PPP1R12B: variants seen among roughly 807,000 people sequenced by gnomAD.
The protein encoded by PPP1R12B is protein phosphatase 1 regulatory subunit 12B, also known as myosin phosphatase target subunit 2.
Under a neutral mutation model 126.1 loss-of-function variants are expected in PPP1R12B, and 76 were observed. The ratio of observed to expected loss-of-function variants is 0.60; its 90% CI spans 0.50 to 0.73. PPP1R12B has a LOEUF of 0.73. Ranked by LOEUF, PPP1R12B falls within the 30% of genes least tolerant of loss-of-function variation. The pLI, the probability that PPP1R12B is intolerant of heterozygous loss-of-function variation, is 0.00. For synonymous variants in PPP1R12B, 356 were observed against 434.7 expected (o/e 0.82, Z 2.25); for missense variants, 1,052 against 1,205.1 (o/e 0.87, Z 1.88).
chr1:202,465,177 A>G (rs1483458453), intron 13 of PPP1R12B, among the ~76,000 whole-genome samples: 1 of 152,212 alleles, frequency 6.6e-6, no homozygotes, highest in African/African-American at 2.4e-5. Context: ...AGGTTAAGGA[A>G]TCTGTCCACA....
chr1:202,515,322 G>A (rs1682003976), intron 18 of PPP1R12B, among the ~76,000 whole-genome samples: 1 of 152,096 alleles, frequency 6.6e-6, no homozygotes, highest in South Asian at 2.1e-4. Context: ...TTAAAAAAGA[G>A]TAGTATTCAA....
chr1:202,545,072 A>T (rs1357652757), intron 18 of PPP1R12B, among the ~76,000 whole-genome samples: 7 of 152,238 alleles, frequency 4.6e-5, no homozygotes, highest in Non-Finnish European at 1.0e-4. Flanking sequence ...ATGCACTACC[A>T]ATCTGGAATC....
intron 1 of PPP1R12B, among the ~76,000 whole-genome samples, chr1:202,408,684 A>G (rs1362612820): frequency 1.3e-5 from 2 of 152,064 alleles, no homozygotes; most frequent in Non-Finnish European, 2.9e-5. Context: ...TCTGGTATAT[A>G]TACATTGCAT....
At chr1:202,409,852 T>C (rs1667162025) in intron 1 of PPP1R12B, among the ~76,000 whole-genome samples, 1 of 152,110 alleles carries the variant, frequency 6.6e-6, no homozygotes, top group African/African-American at 2.4e-5. Context: ...AGGTATGAGG[T>C]GCTATCTCAT....
chr1:202,437,706 C>G, intron 9 of PPP1R12B, 115 bp from the exon 10 acceptor site: 1 of 918,064 alleles, frequency 1.1e-6, no homozygotes, highest in Non-Finnish European at 1.6e-6. Flanking sequence ...ATTTGTTCTT[C>G]TTAGCTACCT....
intron 8 of PPP1R12B, among the ~76,000 whole-genome samples, chr1:202,434,115 T>C (rs968282440): frequency 6.6e-6 from 1 of 152,230 alleles, no homozygotes; most frequent in Non-Finnish European, 1.5e-5. Flanking sequence ...CTTTTTACTT[T>C]GCACCACACT....
chr1:202,436,663 CA>C (rs148526561), intron 9 of PPP1R12B, among the ~76,000 whole-genome samples: 2,056 of 152,174 alleles, frequency 0.014, 23 homozygotes, highest in South Asian at 0.039. Flanking sequence ...TAGTTTATGG[CA>C]AAATGAGATA....
intron 11 of PPP1R12B, among the ~76,000 whole-genome samples, chr1:202,441,879 CAA>C (rs535323452): frequency 6.0e-4 from 91 of 151,488 alleles, no homozygotes; most frequent in African/African-American, 2.0e-3. Context: ...TTTTTTGAGA[CAA>C]AGTCTCACTC....
Position 202,569,271 on chromosome 1 carries a change from G to A in PPP1R12B, c.2862+74G>A, listed in dbSNP as rs1688359251. On this transcript the variant is annotated intron_variant, in intron 23 of 23. Transcript: ENST00000608999. Reference sequence around the variant, plus strand: ...GCCAAGACTGGATATTTGAGCATAGGCCTGCCCCCTCCAGATTTCACTACA... The same window carrying A: ...GCCAAGACTGGATATTTGAGCATAGACCTGCCCCCTCCAGATTTCACTACA... 9.0e-6 allele frequency: 13 copies of A among 1,437,138 alleles called. No homozygotes were observed. The South Asian group carries it at 1.5e-4, about 17-fold the overall frequency. 89.0% of individuals were successfully genotyped at this position (1,437,138 alleles called of 1,614,324 possible).
chr1:202,492,612 T>C lies in PPP1R12B; in HGVS notation c.1942-502T>C, dbSNP rs77842128. Among the ~76,000 whole-genome samples the C allele has an allele frequency of 4.9e-3, 754 of 152,362 alleles. 8 individuals are homozygous for C. Among genetic ancestry groups the C allele is most frequent in the African/African-American group, 0.017 (726 of 41,576 alleles). The stretch of plus-strand genomic sequence containing the variant: ...TCCTAGAGTTACTTGGGAATTGATA[T>C]TAGAGAAAAGCTAGTCTAGGAGTTT... On this transcript the variant is annotated intron_variant, in intron 14 of 23. Transcript: ENST00000608999.
chr1:202,555,771 T>G (rs1453547280), intron 18 of PPP1R12B, among the ~76,000 whole-genome samples: 2 of 152,218 alleles, frequency 1.3e-5, no homozygotes, highest in African/African-American at 4.8e-5. Context: ...CTAAATGGTC[T>G]TCTAAATTAT....
intron 18 of PPP1R12B, among the ~76,000 whole-genome samples, chr1:202,555,086 T>A (rs1259626134): frequency 1.3e-5 from 2 of 152,066 alleles, no homozygotes; most frequent in Non-Finnish European, 2.9e-5. Context: ...TGTTTTTCAA[T>A]TTTTAAGTGT....
chr1:202,351,620 A>T (rs533457581), intron 1 of PPP1R12B, among the ~76,000 whole-genome samples: 1 of 152,246 alleles, frequency 6.6e-6, no homozygotes, highest in Non-Finnish European at 1.5e-5. Context: ...CACCTACTTT[A>T]CAATGGATTC....
At chr1:202,488,747 A>C in intron 14 of PPP1R12B, 124 bp downstream of exon 14, 2 of 866,488 alleles carry the variant, frequency 2.3e-6, no homozygotes, top group Non-Finnish European at 3.5e-6. Flanking sequence ...ACACACGCTC[A>C]CGGCTTGGCG....
At chr1:202,447,885 A>G (rs571754181) in intron 12 of PPP1R12B, among the ~76,000 whole-genome samples, 2 of 152,166 alleles carry the variant, frequency 1.3e-5, no homozygotes, top group African/African-American at 4.8e-5. Context: ...GTTAAAAAAG[A>G]CTATAAAATT....
chr1:202,539,287 T>C (rs1337817868), intron 18 of PPP1R12B, among the ~76,000 whole-genome samples: 1 of 152,202 alleles, frequency 6.6e-6, no homozygotes, highest in African/African-American at 2.4e-5. Flanking sequence ...CCTTTATTCC[T>C]AGAAGCTGGC....
chr1:202,372,869 A>G (rs1660534253), intron 1 of PPP1R12B, among the ~76,000 whole-genome samples: 1 of 152,080 alleles, frequency 6.6e-6, no homozygotes, highest in Admixed American at 6.6e-5. Context: ...TTACTGAACT[A>G]TGTTGTTGGC....
At chr1:202,368,308 C>A (rs777866237) in intron 1 of PPP1R12B, among the ~76,000 whole-genome samples, 1 of 152,186 alleles carries the variant, frequency 6.6e-6, no homozygotes, top group East Asian at 1.9e-4. Flanking sequence ...CACTGCCCCC[C>A]GCAACCTTGC....
chr1:202,409,130 C>T (rs773514346), intron 1 of PPP1R12B, among the ~76,000 whole-genome samples: 6 of 151,976 alleles, frequency 3.9e-5, no homozygotes, highest in African/African-American at 1.2e-4. Context: ...TGAGCCATTA[C>T]GACCAGCATC....
Sources: allele counts gnomAD v4.1 joint callset (sites outside exome capture counted in the v4.1 genomes callset), GRCh38; gene constraint gnomAD v4.1.1; transcripts MANE v1.5; gene names NCBI Gene and HGNC (gene_info 2026-07-23, HGNC 2026-07-21).